SYNPR: variants seen among roughly 807,000 people sequenced by gnomAD.
SYNPR encodes the protein synaptoporin.
SYNPR carries 23 observed loss-of-function variants against 32.9 expected under a neutral mutation model. That is an observed-to-expected ratio of 0.70 (90% CI 0.50 to 0.99). The LOEUF is 0.99. Ranked by LOEUF, SYNPR falls within the 50% of genes least tolerant of loss-of-function variation. The pLI is 0.00. For missense variants in SYNPR, 318 were observed against 349.3 expected (o/e 0.91, Z 0.71); for synonymous variants, 146 against 135.9 (o/e 1.07, Z -0.52).
intron 3 of SYNPR, among the ~76,000 whole-genome samples, chr3:63,526,067 C>A (rs537663140): frequency 3.0e-4 from 45 of 152,262 alleles, no homozygotes; most frequent in Admixed American, 1.3e-4. Context: ...AGGTGCCAGG[C>A]TCTTTTCAAC....
At chr3:63,276,487 A>G (rs1404677644), upstream of SYNPR, among the ~76,000 whole-genome samples, 2 of 152,192 alleles carry the variant, frequency 1.3e-5, no homozygotes, top group East Asian at 3.9e-4. Flanking sequence ...AACAGTTAAG[A>G]TAGGTATTTT....
chr3:63,358,807 T>C (rs977707562), intron 2 of SYNPR, among the ~76,000 whole-genome samples: 1 of 152,180 alleles, frequency 6.6e-6, no homozygotes, highest in Non-Finnish European at 1.5e-5. Flanking sequence ...CCTCATTTTA[T>C]AGATAAGGAA....
intron 2 of SYNPR, among the ~76,000 whole-genome samples, chr3:63,263,908 G>C (rs2106902779): frequency 6.6e-6 from 1 of 152,322 alleles, no homozygotes; most frequent in East Asian, 1.9e-4. Flanking sequence ...GATGGGAAGT[G>C]TCATACAATT....
intron 2 of SYNPR, chr3:63,443,264 C>T (rs1275163322): frequency 4.9e-6 from 7 of 1,436,500 alleles, no homozygotes; most frequent in African/African-American, 1.4e-5. Context: ...GAGGCTGAAG[C>T]TGCTATCTGA....
chr3:63,247,490 A>G (rs1435042236), intron 1 of SYNPR, among the ~76,000 whole-genome samples: 1 of 152,058 alleles, frequency 6.6e-6, no homozygotes, highest in Non-Finnish European at 1.5e-5. Context: ...TGAATTATGA[A>G]GCATAAAGTT....
chr3:63,253,597 C>T (rs751333244), intron 2 of SYNPR, among the ~76,000 whole-genome samples: 1 of 151,980 alleles, frequency 6.6e-6, no homozygotes, highest in Non-Finnish European at 1.5e-5. Context: ...CAGAGAAATG[C>T]AAATCAAAAT....
intron 3 of SYNPR, among the ~76,000 whole-genome samples, chr3:63,499,522 C>T (rs1309826576): frequency 1.3e-5 from 2 of 151,840 alleles, no homozygotes; most frequent in Non-Finnish European, 2.9e-5. Context: ...ACCAAAGAGG[C>T]AATGAAGAAC....
intron 3 of SYNPR, among the ~76,000 whole-genome samples, chr3:63,537,768 T>G (rs6445356): frequency 0.39 from 58,881 of 151,928 alleles, 11,744 homozygotes; most frequent in African/African-American, 0.49. Flanking sequence ...ATGCTACAAT[T>G]AATAAATATT....
chr3:63,494,460 C>CATATATACACATATATACAT (rs1701327359), intron 3 of SYNPR, among the ~76,000 whole-genome samples: 1 of 77,286 alleles, frequency 1.3e-5, no homozygotes, highest in African/African-American at 5.3e-5. Flanking sequence ...CATATATATA[C>CATATATACACATATATACAT]ATATATACAC....
At chr3:63,452,136 G>A (rs1256892929) in intron 2 of SYNPR, 1 of 701,268 alleles carries the variant, frequency 1.4e-6, no homozygotes, top group African/African-American at 1.8e-5. Flanking sequence ...TTTCTTATTT[G>A]CTCACTCATT....
chr3:63,203,070 A>ATATATATATATATATATC, the SYNPR span: 1 of 8,376 alleles, frequency 1.2e-4, no homozygotes, highest in African/African-American at 3.6e-4. Context: ...ATGTATGTGT[A>ATATATATATATATATATC]TATATATATA....
At chr3:63,271,167 C>T (rs544696693) in intron 3 of SYNPR, among the ~76,000 whole-genome samples, 1 of 152,170 alleles carries the variant, frequency 6.6e-6, no homozygotes, top group Non-Finnish European at 1.5e-5. Context: ...AGGTGTAAAA[C>T]TGCAGTGCAA....
chr3:63,232,289 C>T (rs1460023534), intron 1 of SYNPR, among the ~76,000 whole-genome samples: 5 of 147,516 alleles, frequency 3.4e-5, no homozygotes, highest in Middle Eastern at 3.6e-3. Flanking sequence ...GCAACCTCCC[C>T]GTCCCAGGTT....
intron 2 of SYNPR, among the ~76,000 whole-genome samples, chr3:63,338,957 C>T (rs1476592946): frequency 6.6e-6 from 1 of 152,194 alleles, no homozygotes; most frequent in Admixed American, 6.5e-5. Flanking sequence ...CTCTTCTTTT[C>T]CCTAAAAGAG....
chr3:63,548,257 A>C (rs558795379), intron 3 of SYNPR, among the ~76,000 whole-genome samples: 1 of 152,276 alleles, frequency 6.6e-6, no homozygotes, highest in African/African-American at 2.4e-5. Context: ...AAAACAACTA[A>C]GAGCTGGTAT....
chr3:63,519,825 A>C (rs1363486835), intron 3 of SYNPR, among the ~76,000 whole-genome samples: 1 of 152,236 alleles, frequency 6.6e-6, no homozygotes, highest in African/African-American at 2.4e-5. Context: ...TATTACAAAA[A>C]GTGAAATATG....
chr3:63,204,562 G>C, the SYNPR span, among the ~76,000 whole-genome samples: 8 of 152,184 alleles, frequency 5.3e-5, no homozygotes, highest in Non-Finnish European at 1.2e-4. Context: ...GAGGGATACA[G>C]TTCAACTAGT....
intron 2 of SYNPR, among the ~76,000 whole-genome samples, chr3:63,392,869 T>C (rs1488165158): frequency 2.0e-5 from 3 of 152,218 alleles, no homozygotes; most frequent in Admixed American, 2.0e-4. Flanking sequence ...GGTAAATCTC[T>C]AGTTTTCTCA....
chr3:63,404,862 CA>C (rs1310680888), intron 2 of SYNPR, among the ~76,000 whole-genome samples: 12 of 152,050 alleles, frequency 7.9e-5, no homozygotes, highest in African/African-American at 2.9e-4. Context: ...AGGGGTTAGA[CA>C]AAATTAACCT....
Sources: allele counts gnomAD v4.1 joint callset (sites outside exome capture counted in the v4.1 genomes callset), GRCh38; gene constraint gnomAD v4.1.1; transcripts MANE v1.5; gene names NCBI Gene and HGNC (gene_info 2026-07-23, HGNC 2026-07-21).